The following SHISA6 variants were observed in gnomAD, a reference collection of about 807,000 sequenced individuals.
SHISA6 encodes the protein protein shisa-6.
A neutral mutation model predicts 47.9 loss-of-function variants in SHISA6; 22 were observed. The ratio of observed to expected loss-of-function variants is 0.46; its 90% CI spans 0.33 to 0.66. The LOEUF (loss-of-function observed/expected upper bound fraction) is 0.66. Among genes scored for constraint, SHISA6 ranks in the 30% least tolerant of loss-of-function variants. The pLI, the probability that SHISA6 is intolerant of heterozygous loss-of-function variation, is 0.02. For missense variants in SHISA6, 680 were observed against 764.6 expected, an observed-to-expected ratio of 0.89 and a Z score of 1.30; for synonymous variants, 388 against 337.8, an observed-to-expected ratio of 1.15 and a Z score of -1.63.
At chr17:11,298,985 T>C (rs1165307038) in intron 2 of SHISA6, among the ~76,000 whole-genome samples, 1 of 152,202 alleles carries the variant, frequency 6.6e-6, no homozygotes, top group African/African-American at 2.4e-5. Flanking sequence ...GTCTATTAGG[T>C]TGATGCAAAA....
chr17:11,399,681 C>T (rs1174120890), intron 3 of SHISA6, among the ~76,000 whole-genome samples: 2 of 152,212 alleles, frequency 1.3e-5, no homozygotes, highest in Non-Finnish European at 1.5e-5. Context: ...CTCGGCCTCC[C>T]AAACTGCTGG....
At position 11,468,711 on chromosome 17, in the gene SHISA6, A is replaced by G. The variant is rs116334457; in HGVS notation, c.896-83185A>G. Among the ~76,000 whole-genome samples the G allele has an allele frequency of 5.2e-3, 793 of 152,288 alleles. 10 individuals are homozygous for G. Among genetic ancestry groups the G allele is most frequent in the African/African-American group, 0.018 (757 of 41,560 alleles). ...GATGATCCTGGGTGCAACGGCTTCT[A>G]CCATTTCCTTAGAAGATAAGTCTTT... On this transcript the variant is annotated intron_variant, in intron 3 of 5. Transcript: ENST00000441885.
chr17:11,508,556 CT>C, intron 3 of SHISA6, among the ~76,000 whole-genome samples: 1 of 130,508 alleles, frequency 7.7e-6, no homozygotes, highest in South Asian at 2.9e-4. Context: ...CTCCTCTCCC[CT>C]CCCCTCCCCT....
intron 1 of SHISA6, among the ~76,000 whole-genome samples, chr17:11,244,666 A>G (rs958038727): frequency 5.3e-5 from 8 of 152,220 alleles, no homozygotes; most frequent in African/African-American, 1.7e-4. Context: ...TCACACCGTA[A>G]TGAGTTTTCC....
intron 2 of SHISA6, among the ~76,000 whole-genome samples, chr17:11,280,270 A>G (rs915245111): frequency 3.3e-5 from 5 of 152,242 alleles, no homozygotes; most frequent in African/African-American, 1.2e-4. Flanking sequence ...AACAAATGCA[A>G]CAAATGATGG....
At chr17:11,315,746 A>G (rs1285152338) in intron 2 of SHISA6, among the ~76,000 whole-genome samples, 5 of 152,058 alleles carry the variant, frequency 3.3e-5, no homozygotes, top group Admixed American at 3.3e-4. Flanking sequence ...CTTGGCCTTG[A>G]TGCTTTATTG....
intron 2 of SHISA6, among the ~76,000 whole-genome samples, chr17:11,356,598 T>C (rs907560560): frequency 6.6e-6 from 1 of 152,170 alleles, no homozygotes; most frequent in Non-Finnish European, 1.5e-5. Context: ...CTCCATCTGC[T>C]TGGCCTCTGC....
In SHISA6 at chr17:11,559,907, C is replaced by G. The variant is rs1056777839; in HGVS notation, c.*1603C>G. 1 of 152,296 alleles carries G rather than the reference C, an allele frequency of 6.6e-6. No individual in the cohort carries two copies. Among genetic ancestry groups the G allele is most frequent in the African/African-American group, 2.4e-5 (1 of 41,448 alleles). 9.4% of individuals were successfully genotyped at this position (152,296 alleles called of 1,614,324 possible). ...GGGAAAGAAGGGGTTCCCTCATTCT[C>G]AGGGCCAGGGCACCCGCTGGGTTGG... is the stretch of plus-strand genomic sequence containing the variant. On this transcript the variant is annotated 3_prime_UTR_variant, in exon 6 of 6. Transcript: ENST00000441885. This position sits in a 1 kb window ranked among gnomAD's most constrained non-coding sequence, Gnocchi z 4.4.
At chr17:11,361,636 A>G (rs1282722703) in intron 2 of SHISA6, among the ~76,000 whole-genome samples, 3 of 152,230 alleles carry the variant, frequency 2.0e-5, no homozygotes, top group Non-Finnish European at 4.4e-5. Flanking sequence ...GTGGCTGGTT[A>G]ACAACCATTC....
At chr17:11,362,424 A>C (rs1912319394) in intron 2 of SHISA6, among the ~76,000 whole-genome samples, 1 of 152,174 alleles carries the variant, frequency 6.6e-6, no homozygotes, top group African/African-American at 2.4e-5. Flanking sequence ...AACAGGCCTG[A>C]GTCACTGTGC....
chr17:11,323,421 G>A (rs147461733), intron 2 of SHISA6, among the ~76,000 whole-genome samples: 185 of 152,120 alleles, frequency 1.2e-3, no homozygotes, highest in African/African-American at 4.2e-3. Context: ...TTGGGAGGCC[G>A]AGGCGGGTGG....
At chr17:11,549,287 A>G (rs1043545841) in intron 3 of SHISA6, among the ~76,000 whole-genome samples, 8 of 152,230 alleles carry the variant, frequency 5.3e-5, no homozygotes, top group Admixed American at 3.3e-4. Flanking sequence ...TCATCCTTGT[A>G]CTTAACTTAA....
At chr17:11,527,050 A>G (rs1255136123) in intron 3 of SHISA6, among the ~76,000 whole-genome samples, 1 of 151,598 alleles carries the variant, frequency 6.6e-6, no homozygotes, top group African/African-American at 2.4e-5. Flanking sequence ...AGTGAATCCC[A>G]TCTTCCAAAA....
intron 3 of SHISA6, among the ~76,000 whole-genome samples, chr17:11,471,859 C>G (rs745660340): frequency 6.6e-5 from 10 of 152,120 alleles, no homozygotes; most frequent in Non-Finnish European, 1.3e-4. Flanking sequence ...CTTCTACCCC[C>G]ACACATGCAT....
chr17:11,277,315 CACA>C (rs1908958163), intron 2 of SHISA6, among the ~76,000 whole-genome samples: 1 of 149,638 alleles, frequency 6.7e-6, no homozygotes, highest in South Asian at 2.1e-4. Context: ...CACACACACA[CACA>C]CCCCGCATGT....
intron 2 of SHISA6, among the ~76,000 whole-genome samples, chr17:11,321,234 A>G (rs1172091079): frequency 6.6e-6 from 1 of 152,180 alleles, no homozygotes; most frequent in East Asian, 1.9e-4. Context: ...AGCTATATGT[A>G]TCGTATGTAT....
Position 11,496,643 on chromosome 17 carries a change from G to T in SHISA6, c.896-55253G>T, listed in dbSNP as rs1195676279. 2.6e-5 allele frequency among the ~76,000 whole-genome samples: 4 copies of T among 152,022 alleles called. No individual in the cohort carries two copies. In the East Asian group the frequency reaches 5.8e-4, roughly 22 times the overall value. On this transcript the variant is annotated intron_variant, in intron 3 of 5. Transcript: ENST00000441885. ...AATCCCAGCTACTCGGGAGGCTGAG[G>T]CAGGAGAATCACTTGAACCTGGGAG...
chr17:11,255,473 T>C (rs1168999015), intron 1 of SHISA6, among the ~76,000 whole-genome samples: 2 of 152,216 alleles, frequency 1.3e-5, no homozygotes, highest in African/African-American at 2.4e-5. Flanking sequence ...TGACTCCTGA[T>C]TTCTTTTGCT....
At chr17:11,302,793 A>G (rs1909973717) in intron 2 of SHISA6, among the ~76,000 whole-genome samples, 1 of 151,906 alleles carries the variant, frequency 6.6e-6, no homozygotes, top group African/African-American at 2.4e-5. Flanking sequence ...TCTCAGCAAC[A>G]GCCCTACCCA....
Sources: gnomAD v4.1 joint callset for allele counts (sites outside exome capture counted in the v4.1 genomes callset) on GRCh38, gnomAD v4.1.1 for gene constraint, Gnocchi (gnomAD v3.1) non-coding constraint, MANE v1.5 for transcripts, NCBI Gene and HGNC (gene_info 2026-07-23, HGNC 2026-07-21) for gene names.